Variants in CDH12 observed in about 807,000 individuals in gnomAD.
The protein encoded by CDH12 is cadherin 12, also known as cadherin-12.
CDH12 carries 41 observed loss-of-function variants against 74.1 expected under a neutral mutation model. The observed-to-expected ratio is 0.55, with a 90% CI of 0.43 to 0.72. CDH12 has a LOEUF of 0.72. Ranked by LOEUF, CDH12 falls within the 30% of genes least tolerant of loss-of-function variation. The pLI, the probability that CDH12 is intolerant of heterozygous loss-of-function variation, is 0.00. For synonymous variants in CDH12, 399 were observed against 355.0 expected (o/e 1.12, Z -1.39); for missense variants, 945 against 977.2 (o/e 0.97, Z 0.44).
At chr5:22,761,403 C>T (rs547426859) in intron 1 of CDH12, among the ~76,000 whole-genome samples, 4 of 152,244 alleles carry the variant, frequency 2.6e-5, no homozygotes, top group South Asian at 2.1e-4. Context: ...AAGGGAAACC[C>T]TTACAAAGTT....
intron 1 of CDH12, among the ~76,000 whole-genome samples, chr5:22,657,465 C>T (rs967423438): frequency 6.6e-6 from 1 of 152,122 alleles, no homozygotes; most frequent in Non-Finnish European, 1.5e-5. Flanking sequence ...TCTTCTAAGG[C>T]ACAGAAATCA....
chr5:22,167,940 A>T (rs1392983549), intron 4 of CDH12, among the ~76,000 whole-genome samples: 2 of 152,102 alleles, frequency 1.3e-5, no homozygotes, highest in East Asian at 3.9e-4. Flanking sequence ...AAACACCACC[A>T]TTAGATGGAC....
At chr5:22,122,912 T>G (rs1436346544) in intron 4 of CDH12, among the ~76,000 whole-genome samples, 2 of 152,174 alleles carry the variant, frequency 1.3e-5, no homozygotes, top group African/African-American at 2.4e-5. Flanking sequence ...CTACATCAGC[T>G]CTCCTTGTTC....
chr5:22,428,947 T>G (rs1561397411), intron 2 of CDH12, among the ~76,000 whole-genome samples: 1 of 152,112 alleles, frequency 6.6e-6, no homozygotes, highest in Non-Finnish European at 1.5e-5. Context: ...CCTTATACCA[T>G]TGTTTTCACA....
At chr5:22,597,270 A>T (rs1193480837) in intron 1 of CDH12, among the ~76,000 whole-genome samples, 1 of 152,124 alleles carries the variant, frequency 6.6e-6, no homozygotes, top group African/African-American at 2.4e-5. Context: ...ATAACAACTA[A>T]TTTTTTTAAA....
intron 1 of CDH12, among the ~76,000 whole-genome samples, chr5:22,578,247 T>C (rs1739893318): frequency 6.6e-6 from 1 of 152,156 alleles, no homozygotes; most frequent in South Asian, 2.1e-4. Context: ...TATCAATGTT[T>C]TCCTTCAAGA....
intron 3 of CDH12, among the ~76,000 whole-genome samples, chr5:22,308,030 G>T (rs183619890): frequency 6.6e-6 from 1 of 150,916 alleles, no homozygotes; most frequent in East Asian, 2.0e-4. Flanking sequence ...ACAGGCGCCC[G>T]CCACCACGCC....
intron 1 of CDH12, among the ~76,000 whole-genome samples, chr5:22,556,257 G>T (rs1036855102): frequency 2.0e-5 from 3 of 152,030 alleles, no homozygotes; most frequent in African/African-American, 7.2e-5. Context: ...GAAGGGGACA[G>T]ACTTCTAAGA....
At chr5:22,244,740 A>AAAAGAAAGAAG (rs1752874251) in intron 3 of CDH12, among the ~76,000 whole-genome samples, 4 of 92,570 alleles carry the variant, frequency 4.3e-5, no homozygotes, top group East Asian at 3.5e-4. Context: ...AGAAAGAAAG[A>AAAAGAAAGAAG]AAAGAAAGAA....
intron 3 of CDH12, among the ~76,000 whole-genome samples, chr5:22,302,679 T>G (rs932955891): frequency 6.6e-6 from 1 of 152,072 alleles, no homozygotes; most frequent in Non-Finnish European, 1.5e-5. Context: ...AACAAAGTTA[T>G]CAGTGTACAG....
intron 1 of CDH12, among the ~76,000 whole-genome samples, chr5:22,796,560 C>T (rs1458462513): frequency 2.1e-5 from 2 of 95,802 alleles, no homozygotes; most frequent in Admixed American, 2.2e-4. Flanking sequence ...CGCTCTGTCG[C>T]CCAGGCTGGA....
At chr5:22,575,435 C>T (rs1313051755) in intron 1 of CDH12, among the ~76,000 whole-genome samples, 1 of 151,774 alleles carries the variant, frequency 6.6e-6, no homozygotes, top group African/African-American at 2.4e-5. Context: ...CTCTATCACC[C>T]AAGCTGGAGG....
At chr5:22,817,776 C>A (rs1217082698) in intron 1 of CDH12, among the ~76,000 whole-genome samples, 1 of 152,102 alleles carries the variant, frequency 6.6e-6, no homozygotes, top group Non-Finnish European at 1.5e-5. Flanking sequence ...TGGCTTGATG[C>A]CTTTAAGAAT....
At chr5:22,804,095 T>C (rs556778254) in intron 1 of CDH12, among the ~76,000 whole-genome samples, 1 of 152,320 alleles carries the variant, frequency 6.6e-6, no homozygotes, top group Admixed American at 6.5e-5. Flanking sequence ...AAAAGGTATT[T>C]TGTTATAATT....
intron 4 of CDH12, among the ~76,000 whole-genome samples, chr5:22,207,503 C>A (rs907706374): frequency 6.6e-6 from 1 of 152,144 alleles, no homozygotes; most frequent in African/African-American, 2.4e-5. Context: ...AAACAAATCA[C>A]GGGCTATTTT....
intron 5 of CDH12, among the ~76,000 whole-genome samples, chr5:22,076,868 C>T (rs1742351477): frequency 6.6e-6 from 1 of 151,990 alleles, no homozygotes; most frequent in Non-Finnish European, 1.5e-5. Context: ...ATGTTTGGGT[C>T]TCAGTGTCCA....
intron 6 of CDH12, among the ~76,000 whole-genome samples, chr5:21,971,740 T>G (rs531023723): frequency 1.3e-5 from 2 of 152,252 alleles, no homozygotes; most frequent in South Asian, 4.1e-4. Context: ...CTTAAAGAAT[T>G]AAGTCCACAT....
At chr5:22,564,531 CCT>C in intron 1 of CDH12, among the ~76,000 whole-genome samples, 1 of 151,994 alleles carries the variant, frequency 6.6e-6, no homozygotes, top group Non-Finnish European at 1.5e-5. Context: ...ATTTGCATTT[CCT>C]CTTTTTGTGT....
chr5:22,807,620 G>A (rs555123801), intron 1 of CDH12, among the ~76,000 whole-genome samples: 2 of 152,306 alleles, frequency 1.3e-5, no homozygotes, highest in East Asian at 3.9e-4. Context: ...TACATACCTA[G>A]GCTATGTGTT....
Sources: allele counts gnomAD v4.1 joint callset (sites outside exome capture counted in the v4.1 genomes callset), GRCh38; gene constraint gnomAD v4.1.1; transcripts MANE v1.5; gene names NCBI Gene and HGNC (gene_info 2026-07-23, HGNC 2026-07-21).